The following C1QTNF3 variants were observed in gnomAD, a reference collection of about 807,000 sequenced individuals.
The protein encoded by C1QTNF3 is C1q and TNF related 3, also known as complement C1q tumor necrosis factor-related protein 3.
C1QTNF3 carries 26 observed loss-of-function variants against 32.6 expected under a neutral mutation model. The ratio of observed to expected loss-of-function variants is 0.80; its 90% CI spans 0.58 to 1.11. The LOEUF (loss-of-function observed/expected upper bound fraction) is 1.11. C1QTNF3 is among the 50% of genes least tolerant of loss of function. The pLI is 0.00. For synonymous variants in C1QTNF3, 155 were observed against 146.0 expected (o/e 1.06, Z -0.44); for missense variants, 362 against 398.2 (o/e 0.91, Z 0.77).
At chr5:34,200,710 T>A in the C1QTNF3 span, 1 of 152,186 alleles carries the variant, frequency 6.6e-6, no homozygotes, top group Non-Finnish European at 1.5e-5. Flanking sequence ...TCTAGTTTTA[T>A]TTCATTTGTC....
At chr5:34,045,818 A>G (rs1754976494), upstream of C1QTNF3, among the ~76,000 whole-genome samples, 1 of 152,098 alleles carries the variant, frequency 6.6e-6, no homozygotes, top group Non-Finnish European at 1.5e-5. Flanking sequence ...TCAGTCTGAG[A>G]GCTGCCAGGG....
chr5:34,159,764 T>C, the C1QTNF3 span, among the ~76,000 whole-genome samples: 6 of 151,618 alleles, frequency 4.0e-5, no homozygotes, highest in East Asian at 1.9e-4. Flanking sequence ...CAGGTAAACA[T>C]TGATAAGAAT....
the C1QTNF3 span, among the ~76,000 whole-genome samples, chr5:34,081,918 A>C: frequency 1.3e-5 from 2 of 151,762 alleles, no homozygotes; most frequent in African/African-American, 4.9e-5. Flanking sequence ...AAGCATAAGT[A>C]GAATAAAATA....
chr5:34,028,189 G>C (rs1036013709), intron 4 of C1QTNF3, among the ~76,000 whole-genome samples: 7 of 152,238 alleles, frequency 4.6e-5, no homozygotes, highest in African/African-American at 1.7e-4. Context: ...AGCCAGGATA[G>C]TCTCTATCTA....
At chr5:34,114,786 C>T in the C1QTNF3 span, among the ~76,000 whole-genome samples, 1 of 152,072 alleles carries the variant, frequency 6.6e-6, no homozygotes, top group Non-Finnish European at 1.5e-5. Flanking sequence ...TTCATGACTT[C>T]TCAGCCATCT....
At chr5:34,224,161 G>A in the C1QTNF3 span, among the ~76,000 whole-genome samples, 3 of 152,042 alleles carry the variant, frequency 2.0e-5, no homozygotes, top group Non-Finnish European at 4.4e-5. Context: ...AGGATACAAA[G>A]AAATAGAAGA....
At chr5:34,028,570 G>C (rs1359810871) in intron 4 of C1QTNF3, among the ~76,000 whole-genome samples, 184 bp downstream of exon 4, 1 of 152,102 alleles carries the variant, frequency 6.6e-6, no homozygotes. Flanking sequence ...TAAATGAGCT[G>C]TTTGGTTTAA....
chr5:34,153,853 TAA>T, the C1QTNF3 span, among the ~76,000 whole-genome samples: 7 of 32,942 alleles, frequency 2.1e-4, no homozygotes, highest in Non-Finnish European at 4.8e-4. Context: ...ACTTAGAGTA[TAA>T]AAAAAAAAAA....
the C1QTNF3 span, among the ~76,000 whole-genome samples, chr5:34,213,809 A>ATTT: frequency 4.0e-4 from 2 of 4,942 alleles, no homozygotes; most frequent in African/African-American, 7.8e-4. Flanking sequence ...ATATATATAT[A>ATTT]TTTTTTTTTT....
the C1QTNF3 span, among the ~76,000 whole-genome samples, chr5:34,233,819 TG>T: frequency 6.6e-6 from 1 of 152,140 alleles, no homozygotes; most frequent in African/African-American, 2.4e-5. Flanking sequence ...ATTGATAATG[TG>T]GTGATTCTGA....
At chr5:34,118,230 C>T in the C1QTNF3 span, among the ~76,000 whole-genome samples, 1 of 152,096 alleles carries the variant, frequency 6.6e-6, no homozygotes, top group Non-Finnish European at 1.5e-5. Flanking sequence ...CGGGTGCACA[C>T]CACCACGCCT....
At chr5:34,147,928 A>G in the C1QTNF3 span, among the ~76,000 whole-genome samples, 1 of 152,162 alleles carries the variant, frequency 6.6e-6, no homozygotes, top group Non-Finnish European at 1.5e-5. Flanking sequence ...TGATTTCTGC[A>G]TTTCCATCTG....
the C1QTNF3 span, among the ~76,000 whole-genome samples, chr5:34,112,740 C>T: frequency 2.6e-5 from 4 of 152,142 alleles, no homozygotes; most frequent in South Asian, 2.1e-4. Flanking sequence ...AGATCCTTTC[C>T]GCTGAGCTTA....
chr5:34,235,776 T>C, the C1QTNF3 span, among the ~76,000 whole-genome samples: 1 of 152,380 alleles, frequency 6.6e-6, no homozygotes, highest in Non-Finnish European at 1.5e-5. Flanking sequence ...TTAATACTAA[T>C]TTAGTGGATA....
At chr5:34,173,031 A>G in the C1QTNF3 span, among the ~76,000 whole-genome samples, 1 of 152,192 alleles carries the variant, frequency 6.6e-6, no homozygotes, top group Non-Finnish European at 1.5e-5. Context: ...CTAGATGCTC[A>G]GACTAGCACA....
chr5:34,084,350 A>AT, the C1QTNF3 span, among the ~76,000 whole-genome samples: 1 of 151,806 alleles, frequency 6.6e-6, no homozygotes, highest in Non-Finnish European at 1.5e-5. Flanking sequence ...ATATTGAGAC[A>AT]TTCGCTGAGA....
the C1QTNF3 span, among the ~76,000 whole-genome samples, chr5:34,142,112 C>T: frequency 1.3e-5 from 2 of 152,148 alleles, no homozygotes; most frequent in African/African-American, 4.8e-5. Context: ...CCCAAAGGAG[C>T]CCCATGGTCC....
Position 34,020,612 on chromosome 5 carries a change from C to A in C1QTNF3, c.931G>T (p.Ala311Ser), listed in dbSNP as rs1374966975. 1.2e-6 allele frequency: 2 copies of A among 1,614,108 alleles called. No homozygotes were observed. The highest frequency in any genetic ancestry group is 2.7e-5 in the African/African-American group (2 of 74,950). ...HGDHQRFSTF[A>S]GFLLFETK ...TTAGTTTCAAAGAGCAGGAATCCTG[C>A]AAAGGTGGAGAAGCGTTGGTGGTCC... The change falls in exon 6 of 6, where the codon GCA (alanine) becomes TCA (serine). Residue 311 changes from alanine to serine, a missense_variant. By Grantham distance (99) the Ala-to-Ser change is moderately conservative. Transcript: ENST00000382065.
the C1QTNF3 span, among the ~76,000 whole-genome samples, chr5:34,177,588 G>A: frequency 6.9e-6 from 1 of 144,212 alleles, no homozygotes; most frequent in East Asian, 2.1e-4. Flanking sequence ...CCCAGTTCAA[G>A]CGATTCTCCT....
Sources: gnomAD v4.1 joint callset for allele counts (sites outside exome capture counted in the v4.1 genomes callset) on GRCh38, gnomAD v4.1.1 for gene constraint, MANE v1.5 for transcripts, NCBI Gene and HGNC (gene_info 2026-07-23, HGNC 2026-07-21) for gene names.